CLCN4: variants seen among roughly 807,000 people sequenced by gnomAD.
The protein encoded by CLCN4 is H(+)/Cl(-) exchange transporter 4.
A neutral mutation model predicts 41.7 loss-of-function variants in CLCN4; 1 was observed. That is an observed-to-expected ratio of 0.02 (90% CI 0.01 to 0.11). The LOEUF (loss-of-function observed/expected upper bound fraction) is 0.11. Among genes scored for constraint, CLCN4 ranks in the 10% least tolerant of loss-of-function variants. CLCN4 has a pLI of 1.00. For missense variants in CLCN4, 287 were observed against 661.0 expected, an observed-to-expected ratio of 0.43 and a Z score of 6.20; for synonymous variants, 277 against 285.8, an observed-to-expected ratio of 0.97 and a Z score of 0.31.
intron 9 of CLCN4, among the ~76,000 whole-genome samples, chrX:10,211,717 A>G (rs1924558832): frequency 8.9e-6 from 1 of 111,938 alleles, no homozygotes; most frequent in Non-Finnish European, 1.9e-5. Flanking sequence ...CAGCGAACAC[A>G]GGGAGTCAGG....
intron 2 of CLCN4, among the ~76,000 whole-genome samples, chrX:10,174,886 G>A (rs1465958610): frequency 2.7e-5 from 3 of 111,900 alleles, no homozygotes; most frequent in South Asian, 3.7e-4. Flanking sequence ...TTGTGTTTAC[G>A]TCTCTACTTT....
chrX:10,167,051 G>A (rs190817461), intron 2 of CLCN4, among the ~76,000 whole-genome samples: 6 of 112,863 alleles, frequency 5.3e-5, no homozygotes, highest in African/African-American at 9.6e-5. Context: ...GGGCAGGGCC[G>A]GGGCCGGGGA....
chrX:10,179,478 T>A (rs370165029), intron 2 of CLCN4, among the ~76,000 whole-genome samples: 8 of 110,443 alleles, frequency 7.2e-5, no homozygotes, highest in African/African-American at 2.6e-4. Flanking sequence ...CTTTGAGGAG[T>A]TTTTAGGAAA....
At chrX:10,191,692 A>AT (rs760315418) in intron 4 of CLCN4, among the ~76,000 whole-genome samples, 12,827 of 49,665 alleles carry the variant, frequency 0.26, 2,959 homozygotes, top group East Asian at 0.51. Flanking sequence ...TATCTGGTTA[A>AT]TTTTTTTTTT....
chrX:10,224,275 A>G (rs140029990), intron 12 of CLCN4, among the ~76,000 whole-genome samples: 2,417 of 103,623 alleles, frequency 0.023, 17 homozygotes, highest in Non-Finnish European at 0.032. Flanking sequence ...ACCAGGATTT[A>G]TAGATATGGG....
chrX:10,184,484 T>C (rs1190609378), intron 2 of CLCN4, among the ~76,000 whole-genome samples: 1 of 111,666 alleles, frequency 9.0e-6, no homozygotes, highest in Non-Finnish European at 1.9e-5. Flanking sequence ...AGGGTCCTTT[T>C]CGTGTTCTAT....
chrX:10,221,226 G>A (rs909695734), intron 12 of CLCN4, among the ~76,000 whole-genome samples: 1 of 111,467 alleles, frequency 9.0e-6, no homozygotes, highest in African/African-American at 3.3e-5. Context: ...TGATGTATGC[G>A]GTCCTCAAAA....
rs2081667540 is a variant in CLCN4 at position 10,236,725 on chromosome X, T to G, written c.*3141T>G. 9.2e-6 allele frequency: 1 copy of G among 108,643 alleles called. No homozygotes were observed. Among genetic ancestry groups the G allele is most frequent in the African/African-American group, 3.3e-5 (1 of 30,038 alleles). The allele number at this position is 108,643 out of a possible 1,213,427, so 9.0% of individuals were successfully genotyped here. A position where few individuals can be genotyped will look rare whatever the true frequency, so the allele number is the denominator to read the frequency against. ...AAATAAGCATCTTTCAGAATAAGGT[T>G]TTTTTTTTTTTCCTCTTCCAGAACC... On this transcript the variant is annotated 3_prime_UTR_variant, in exon 13 of 13. Coordinates refer to ENST00000380833, the MANE Select transcript of CLCN4 (RefSeq NM_001830.4).
At chrX:10,159,224 T>C (rs753433689) in intron 2 of CLCN4, among the ~76,000 whole-genome samples, 90 of 112,347 alleles carry the variant, frequency 8.0e-4, no homozygotes, top group Middle Eastern at 4.6e-3. Context: ...AGATAACATG[T>C]GAGCGTAAGA....
intron 11 of CLCN4, among the ~76,000 whole-genome samples, chrX:10,219,796 A>G (rs977013224): frequency 5.8e-4 from 65 of 112,587 alleles, no homozygotes; most frequent in African/African-American, 1.8e-3. Flanking sequence ...CCCATGAACC[A>G]AAAGAAAGAT....
At chrX:10,232,763 T>C (rs1209178902) in intron 12 of CLCN4, among the ~76,000 whole-genome samples, 2 of 110,313 alleles carry the variant, frequency 1.8e-5, no homozygotes, top group Non-Finnish European at 3.8e-5. Flanking sequence ...GCAGTGCTCC[T>C]TGGCACTGTG....
intron 10 of CLCN4, among the ~76,000 whole-genome samples, chrX:10,213,215 G>A (rs1354640727): frequency 8.9e-6 from 1 of 112,160 alleles, no homozygotes; most frequent in East Asian, 2.8e-4. Flanking sequence ...GTAAGTCAGG[G>A]ACTGTCTGTA....
At position 10,235,531 on chromosome X, in the gene CLCN4, T is replaced by C. The variant is rs1925229669; in HGVS notation, c.*1947T>C. The C allele has an allele frequency of 8.9e-6, 1 of 111,897 alleles. No individual in the cohort carries two copies. Among genetic ancestry groups the C allele is most frequent in the South Asian group, 3.8e-4 (1 of 2,663 alleles). 9.2% of individuals were successfully genotyped at this position (111,897 alleles called of 1,213,427 possible). On this transcript the variant is annotated 3_prime_UTR_variant, in exon 13 of 13. Coordinates refer to ENST00000380833, the MANE Select transcript of CLCN4 (RefSeq NM_001830.4). The stretch of plus-strand genomic sequence containing the variant: ...TTCATTCTTGCTAAACCCCTGTGAA[T>C]GTTCTTCTAACCTTCCTGTTCCCCA...
rs140381465 is a variant in CLCN4 at position 10,168,805 on chromosome X, C to T, written c.-12+10254C>T. 5.8e-3 allele frequency among the ~76,000 whole-genome samples: 644 copies of T among 110,177 alleles called. 4 individuals carry two copies. The highest frequency in any genetic ancestry group is 0.02 in the African/African-American group (611 of 30,303). On this transcript the variant is annotated intron_variant, in intron 2 of 12. Transcript: ENST00000380833. ...GTAACTGCTATCCTGAATAACGCCA[C>T]TGGTTCCTTCTGCTTGTTTGGAACT...
chrX:10,192,778 C>T, intron 4 of CLCN4, among the ~76,000 whole-genome samples: 1 of 112,194 alleles, frequency 8.9e-6, no homozygotes, highest in Non-Finnish European at 1.9e-5. Context: ...CTGCAGCAGT[C>T]CAGCCAGCAA....
intron 2 of CLCN4, among the ~76,000 whole-genome samples, chrX:10,169,786 C>CTT (rs199886653): frequency 1.4e-4 from 7 of 51,019 alleles, no homozygotes; most frequent in African/African-American, 9.0e-4. Flanking sequence ...TTTTTCTTTT[C>CTT]TTTTCTTTTT....
Position 10,169,816 on chromosome X carries a change from TCTCG to T in CLCN4, c.-12+11269_-12+11272del, listed in dbSNP as rs760569905. Among the ~76,000 whole-genome samples the T allele has an allele frequency of 2.3e-4, 23 of 101,107 alleles. No individual in the cohort carries two copies. The East Asian group carries it at 7.0e-3, about 31-fold the overall frequency. 87.8% of individuals were successfully genotyped at this position (101,107 alleles called of 115,157 possible). On this transcript the variant is annotated intron_variant, in intron 2 of 12. Transcript: ENST00000380833. ...CTTTTTTTTTTTTTTTGAGATAGAGTCTCGCTCTGTTGTCCAGGCTGGAGTGCAG... is the reference window on the plus strand; with the variant it reads ...CTTTTTTTTTTTTTTTGAGATAGAGTCTCTGTTGTCCAGGCTGGAGTGCAG...
chrX:10,221,971 T>C (rs1335021092), intron 12 of CLCN4, among the ~76,000 whole-genome samples: 4 of 112,675 alleles, frequency 3.6e-5, no homozygotes, highest in African/African-American at 9.7e-5. Context: ...TACAGTTTCC[T>C]GCATTTGCCT....
Position 10,158,531 on chromosome X carries a change from G to C in CLCN4, c.-32G>C. On this transcript the variant is annotated 5_prime_UTR_variant, in exon 2 of 13. Transcript: ENST00000380833. ...GGATGCTGTCCAGGTGGGCGGCCGC[G>C]GGCGCGATGCGGCACTGCAGGTAAG... 3.4e-6 allele frequency: 1 copy of C among 296,984 alleles called. No homozygotes were observed. Among genetic ancestry groups the C allele is most frequent in the East Asian group, 4.8e-5 (1 of 21,001 alleles). 24.5% of individuals were successfully genotyped at this position (296,984 alleles called of 1,213,427 possible).
Sources: gnomAD v4.1 joint callset for allele counts (sites outside exome capture counted in the v4.1 genomes callset) on GRCh38, gnomAD v4.1.1 for gene constraint, MANE v1.5 for transcripts, NCBI Gene and HGNC (gene_info 2026-07-23, HGNC 2026-07-21) for gene names.